ARHGAP15: variants seen among roughly 807,000 people sequenced by gnomAD.
The protein encoded by ARHGAP15 is Rho GTPase activating protein 15.
ARHGAP15 carries 51 observed loss-of-function variants against 63.7 expected under a neutral mutation model. The ratio of observed to expected loss-of-function variants is 0.80; its 90% CI spans 0.64 to 1.01. The LOEUF is 1.01. ARHGAP15 is among the 50% of genes least tolerant of loss of function. The pLI is 0.00. For synonymous variants in ARHGAP15, 191 were observed against 193.8 expected, an observed-to-expected ratio of 0.99 and a Z score of 0.12; for missense variants, 560 against 564.6, an observed-to-expected ratio of 0.99 and a Z score of 0.08.
intron 13 of ARHGAP15, among the ~76,000 whole-genome samples, chr2:143,707,846 G>A (rs766857218): frequency 6.6e-6 from 1 of 152,186 alleles, no homozygotes. Context: ...AATAAAATCA[G>A]AGATACAGTC....
At chr2:143,258,960 C>T (rs4662318) in intron 6 of ARHGAP15, among the ~76,000 whole-genome samples, 20,249 of 151,634 alleles carry the variant, frequency 0.13, 1,390 homozygotes, top group East Asian at 0.16. Flanking sequence ...ACCTTGAAAA[C>T]GGAAATACCA....
At chr2:143,240,980 C>T (rs1693840094) in intron 5 of ARHGAP15, among the ~76,000 whole-genome samples, 1 of 152,000 alleles carries the variant, frequency 6.6e-6, no homozygotes, top group Non-Finnish European at 1.5e-5. Flanking sequence ...CTTACTGTCC[C>T]TCAATAAACC....
At chr2:143,471,380 T>C (rs1691568680) in intron 8 of ARHGAP15, among the ~76,000 whole-genome samples, 1 of 151,918 alleles carries the variant, frequency 6.6e-6, no homozygotes, top group Non-Finnish European at 1.5e-5. Flanking sequence ...GACTAGAGTC[T>C]CTACAAAACT....
At chr2:143,607,548 C>CGAGAGAGAGAGAGAGAGA (rs5834958) in intron 11 of ARHGAP15, 7 of 147,208 alleles carry the variant, frequency 4.8e-5, no homozygotes, top group Non-Finnish European at 1.1e-4. Context: ...AGGCCACCCA[C>CGAGAGAGAGAGAGAGAGA]GAGAGAGAGA....
intron 11 of ARHGAP15, among the ~76,000 whole-genome samples, chr2:143,590,912 A>G (rs1697294559): frequency 6.6e-6 from 1 of 150,920 alleles, no homozygotes; most frequent in Admixed American, 6.7e-5. Context: ...CCGCTGCTTC[A>G]AAGACTTAGT....
chr2:143,434,775 C>G (rs1034832574), intron 6 of ARHGAP15, among the ~76,000 whole-genome samples: 5 of 152,160 alleles, frequency 3.3e-5, no homozygotes, highest in African/African-American at 1.2e-4. Flanking sequence ...TCCACACCCA[C>G]TCTAATCAAT....
intron 12 of ARHGAP15, among the ~76,000 whole-genome samples, chr2:143,667,456 A>G (rs1326919610): frequency 1.4e-5 from 2 of 146,114 alleles, no homozygotes; most frequent in African/African-American, 5.0e-5. Context: ...GCATTGGGAG[A>G]TATACCTAAT....
intron 12 of ARHGAP15, among the ~76,000 whole-genome samples, chr2:143,700,080 G>A (rs1684018634): frequency 6.6e-6 from 1 of 152,016 alleles, no homozygotes; most frequent in African/African-American, 2.4e-5. Flanking sequence ...AGCTTTAAAG[G>A]AAAATTCCCT....
chr2:143,440,568 T>C (rs1256865982), intron 8 of ARHGAP15, among the ~76,000 whole-genome samples: 1 of 152,230 alleles, frequency 6.6e-6, no homozygotes, highest in East Asian at 1.9e-4. Flanking sequence ...GGTGGTGATT[T>C]CGTTGTCCAG....
At position 143,215,995 on chromosome 2, in the gene ARHGAP15, C is replaced by T. The variant is rs547631846; in HGVS notation, c.235-389C>T. Among the ~76,000 whole-genome samples, 19 of 152,240 alleles carry T rather than the reference C, an allele frequency of 1.2e-4. No individual in the cohort carries two copies. In the East Asian group the frequency reaches 3.1e-3, roughly 25 times the overall value. ...TTGAAGTCTTCCTTTATCCCGGCTT[C>T]GGAAGGTACATGGGGAGGCTTGAAA... On this transcript the variant is annotated intron_variant, in intron 3 of 13. Transcript: ENST00000295095.
intron 13 of ARHGAP15, among the ~76,000 whole-genome samples, chr2:143,722,520 G>A (rs192470417): frequency 7.3e-4 from 111 of 152,142 alleles, no homozygotes; most frequent in African/African-American, 2.6e-3. Context: ...CATACTATAC[G>A]CAGGAAAGTG....
At chr2:143,723,445 C>T (rs1317626161) in intron 13 of ARHGAP15, among the ~76,000 whole-genome samples, 2 of 152,154 alleles carry the variant, frequency 1.3e-5, no homozygotes, top group African/African-American at 4.8e-5. Context: ...CTGTGGAGCT[C>T]ATTGGGAAGA....
Position 143,282,559 on chromosome 2 carries a change from A to G in ARHGAP15, c.474+31959A>G, listed in dbSNP as rs552415473. ...AACAGCACAAGAAAGACCTGCCCCC[A>G]TGATTCAATTACCTCTCACTGTTTC... On this transcript the variant is annotated intron_variant, in intron 6 of 13. Coordinates refer to ENST00000295095, the MANE Select transcript of ARHGAP15 (RefSeq NM_018460.4). Among the ~76,000 whole-genome samples the G allele has an allele frequency of 9.9e-5, 15 of 152,224 alleles. 1 individual carries two copies. In the South Asian group the frequency reaches 1.9e-3, roughly 19 times the overall value.
At chr2:143,225,518 A>G (rs780880211) in intron 4 of ARHGAP15, among the ~76,000 whole-genome samples, 13 of 152,086 alleles carry the variant, frequency 8.5e-5, no homozygotes, top group Admixed American at 3.9e-4. Flanking sequence ...GGAGAATGGC[A>G]TGAACCCAGG....
intron 1 of ARHGAP15, 105 bp from the exon 2 acceptor site, chr2:143,155,372 T>C: frequency 1.8e-6 from 2 of 1,100,576 alleles, no homozygotes; most frequent in Non-Finnish European, 1.3e-6. Context: ...AAGACTCTTG[T>C]TTATCAACTT....
intron 2 of ARHGAP15, among the ~76,000 whole-genome samples, chr2:143,174,855 C>A (rs1690950052): frequency 6.6e-6 from 1 of 152,044 alleles, no homozygotes; most frequent in African/African-American, 2.4e-5. Context: ...TTTATACAAA[C>A]ACAATGTATC....
At chr2:143,482,256 G>T (rs1258659625) in intron 8 of ARHGAP15, among the ~76,000 whole-genome samples, 2 of 151,248 alleles carry the variant, frequency 1.3e-5, no homozygotes, top group African/African-American at 4.8e-5. Flanking sequence ...CTCAAAGTGG[G>T]AATGGAAAAA....
chr2:143,340,649 A>T (rs1685018774), intron 6 of ARHGAP15, among the ~76,000 whole-genome samples: 1 of 151,998 alleles, frequency 6.6e-6, no homozygotes, highest in African/African-American at 2.4e-5. Context: ...TGGAAAACTC[A>T]GGGTGTCATT....
intron 6 of ARHGAP15, among the ~76,000 whole-genome samples, chr2:143,271,258 G>A (rs1003364293): frequency 6.6e-6 from 1 of 152,122 alleles, no homozygotes; most frequent in Non-Finnish European, 1.5e-5. Flanking sequence ...CTTTAAAAAA[G>A]CAAATCTTCC....
Sources: gnomAD v4.1 joint callset for allele counts (sites outside exome capture counted in the v4.1 genomes callset) on GRCh38, gnomAD v4.1.1 for gene constraint, MANE v1.5 for transcripts, NCBI Gene and HGNC (gene_info 2026-07-23, HGNC 2026-07-21) for gene names.